Variants in NSUN6 observed in about 807,000 individuals in gnomAD.
The protein encoded by NSUN6 is tRNA (cytosine(72)-C(5))-methyltransferase NSUN6.
NSUN6 carries 64 observed loss-of-function variants against 58.0 expected under a neutral mutation model. The ratio of observed to expected loss-of-function variants is 1.10; its 90% CI spans 0.90 to 1.36. The LOEUF (loss-of-function observed/expected upper bound fraction) is 1.36, where lower values mean the gene tolerates loss of function less well. Ranked by LOEUF, NSUN6 falls within the 40% of genes most tolerant of loss-of-function variation. The probability of loss-of-function intolerance (pLI) is 0.00; values close to 1 mark genes in which losing one functional copy is unlikely to be tolerated. For missense variants in NSUN6, 701 were observed against 550.1 expected, an observed-to-expected ratio of 1.27 and a Z score of -2.74; for synonymous variants, 231 against 193.9, an observed-to-expected ratio of 1.19 and a Z score of -1.59.
At chr10:18,567,344 TTCTATTC>T (rs2056031383) in intron 8 of NSUN6, among the ~76,000 whole-genome samples, 2 of 150,424 alleles carry the variant, frequency 1.3e-5, no homozygotes, top group African/African-American at 4.9e-5. Context: ...TTCCATTCCA[TTCTATTC>T]TCCATTCCAT....
intron 2 of NSUN6, among the ~76,000 whole-genome samples, chr10:18,645,948 A>G (rs1039175944): frequency 6.6e-6 from 1 of 152,216 alleles, no homozygotes; most frequent in Admixed American, 6.5e-5. Flanking sequence ...TAATCCCAAC[A>G]TTTTGGGAAG....
At chr10:18,611,568 C>A (rs571417560) in intron 5 of NSUN6, among the ~76,000 whole-genome samples, 2 of 152,238 alleles carry the variant, frequency 1.3e-5, no homozygotes, top group South Asian at 2.1e-4. Context: ...CTCACTCTGT[C>A]ACGCAGGCTG....
intron 7 of NSUN6, among the ~76,000 whole-genome samples, chr10:18,588,688 C>T (rs963429100): frequency 1.3e-5 from 2 of 152,174 alleles, no homozygotes; most frequent in Non-Finnish European, 2.9e-5. Flanking sequence ...GAAGAGAGGC[C>T]TGTTAGAAGA....
At chr10:18,649,900 T>C (rs2059655235) in intron 1 of NSUN6, among the ~76,000 whole-genome samples, 1 of 152,150 alleles carries the variant, frequency 6.6e-6, no homozygotes, top group African/African-American at 2.4e-5. Context: ...TTCCATACAG[T>C]CTAGTACCTC....
intron 8 of NSUN6, among the ~76,000 whole-genome samples, chr10:18,559,544 G>A (rs919290505): frequency 1.3e-5 from 2 of 148,594 alleles, no homozygotes; most frequent in African/African-American, 2.5e-5. Context: ...GGAGAGTGGA[G>A]AATAGAAACG....
In NSUN6 at chr10:18,586,048, T is replaced by C. The variant is rs775841297; in HGVS notation, c.823A>G (p.Ile275Val). 4 of 1,610,162 alleles carry C rather than the reference T, an allele frequency of 2.5e-6. No homozygotes were observed. Among genetic ancestry groups the C allele is most frequent in the South Asian group, 1.1e-5 (1 of 90,056 alleles). Residue 275 changes from isoleucine to valine, a missense_variant, in exon 8 of 11, where the codon ATC (isoleucine) becomes GTC (valine). Ile to Val is a conservative substitution (Grantham distance 29). Coordinates refer to ENST00000377304, the MANE Select transcript of NSUN6 (RefSeq NM_182543.5). ...CCTAACAATAAGGCATTCTGTTTGA[T>C]TTTTTCTACTTTGTTGAAGATTTTA... is the stretch of plus-strand genomic sequence containing the variant. ...LDKIFNKVEK[I>V]KQNALLLGLN...
intron 2 of NSUN6, among the ~76,000 whole-genome samples, chr10:18,644,525 C>T (rs562725085): frequency 3.4e-5 from 5 of 146,888 alleles, no homozygotes; most frequent in African/African-American, 1.3e-4. Context: ...CTGTTAAGTG[C>T]TTACATATGA....
At chr10:18,629,469 A>C (rs1477106844) in intron 3 of NSUN6, among the ~76,000 whole-genome samples, 2 of 150,536 alleles carry the variant, frequency 1.3e-5, no homozygotes, top group Non-Finnish European at 3.0e-5. Context: ...CAAATTGGAT[A>C]AAGAGTCAAG....
Position 18,651,257 on chromosome 10 carries a change from T to TG in NSUN6, c.-55_-54insC, listed in dbSNP as rs2059697461. The TG allele has an allele frequency of 9.1e-7, 1 of 1,096,016 alleles. No individual in the cohort carries two copies. Among genetic ancestry groups the TG allele is most frequent in the South Asian group, 1.8e-5 (1 of 55,854 alleles). The allele number at this position is 1,096,016 out of a possible 1,614,324, so 67.9% of individuals were successfully genotyped here. ...AGAAATGCTGGAAAACGGTGTTTTG[T>TG]TTTTTTTTTTCTTTCCGAATTAATA... On this transcript the variant is annotated 5_prime_UTR_variant, in exon 1 of 11. Coordinates refer to ENST00000377304, the MANE Select transcript of NSUN6 (RefSeq NM_182543.5).
At chr10:18,634,338 T>C (rs1324361835) in intron 3 of NSUN6, among the ~76,000 whole-genome samples, 1 of 152,170 alleles carries the variant, frequency 6.6e-6, no homozygotes, top group Non-Finnish European at 1.5e-5. Context: ...TCCCTATGAC[T>C]AGACAGTATT....
chr10:18,568,902 C>T (rs2130950690), intron 8 of NSUN6, among the ~76,000 whole-genome samples: 1 of 150,544 alleles, frequency 6.6e-6, no homozygotes, highest in Middle Eastern at 3.5e-3. Flanking sequence ...CCAATCCATT[C>T]TACTCTCCAT....
upstream of NSUN6, among the ~76,000 whole-genome samples, chr10:18,656,551 C>G (rs186831728): frequency 2.0e-5 from 3 of 152,056 alleles, no homozygotes; most frequent in Non-Finnish European, 4.4e-5. Context: ...AAGCAATGGA[C>G]AAATTGATCA....
intron 7 of NSUN6, among the ~76,000 whole-genome samples, chr10:18,588,152 G>A (rs2057241136): frequency 6.6e-6 from 1 of 152,196 alleles, no homozygotes; most frequent in South Asian, 2.1e-4. Context: ...AGACTGGGAG[G>A]TTTGGACTGG....
chr10:18,627,414 GAGA>G (rs1366913069), intron 3 of NSUN6, among the ~76,000 whole-genome samples: 3 of 152,032 alleles, frequency 2.0e-5, no homozygotes, highest in African/African-American at 4.8e-5. Context: ...AAAATCTGAG[GAGA>G]AGAATAGGAA....
chr10:18,596,914 T>C (rs1743950532), intron 6 of NSUN6, among the ~76,000 whole-genome samples: 1 of 152,188 alleles, frequency 6.6e-6, no homozygotes, highest in Admixed American at 6.5e-5. Flanking sequence ...ACCAAGAATA[T>C]AACTTTGCCA....
In NSUN6 at chr10:18,586,154, A is replaced by C. The variant is rs377737675; in HGVS notation, c.778-61T>G. On this transcript the variant is annotated intron_variant, in intron 7 of 10. Coordinates refer to ENST00000377304, the MANE Select transcript of NSUN6 (RefSeq NM_182543.5). ...AAAAAGAAAATTATAAATCCAAAGCAGTCATAAAAATAATGAGAAAAACAT... is the reference window on the plus strand; with the variant it reads ...AAAAAGAAAATTATAAATCCAAAGCCGTCATAAAAATAATGAGAAAAACAT... The C allele has an allele frequency of 2.1e-4, 272 of 1,322,846 alleles. No homozygotes were observed. The East Asian group carries it at 5.7e-3, about 28-fold the overall frequency. The allele number at this position is 1,322,846 out of a possible 1,614,324, so 81.9% of individuals were successfully genotyped here. A position where few individuals can be genotyped will look rare whatever the true frequency, so the allele number is the denominator to read the frequency against.
chr10:18,564,206 C>T (rs2055754609), intron 8 of NSUN6, among the ~76,000 whole-genome samples: 1 of 150,368 alleles, frequency 6.7e-6, no homozygotes, highest in Non-Finnish European at 1.5e-5. Flanking sequence ...TCATTCTCCA[C>T]TGTAATACAT....
At chr10:18,645,016 G>A (rs1232169365) in intron 2 of NSUN6, among the ~76,000 whole-genome samples, 1 of 151,510 alleles carries the variant, frequency 6.6e-6, no homozygotes, top group Non-Finnish European at 1.5e-5. Flanking sequence ...AAATTAGCTG[G>A]GTGTCTTTGA....
intron 3 of NSUN6, 36 bp from the exon 4 acceptor site, chr10:18,616,329 A>G (rs775592009): frequency 5.3e-5 from 66 of 1,243,424 alleles, no homozygotes; most frequent in Non-Finnish European, 7.0e-5. Flanking sequence ...TAATAGTAAC[A>G]TACCTCCAAT....
Sources: gnomAD v4.1 joint callset for allele counts (sites outside exome capture counted in the v4.1 genomes callset) on GRCh38, gnomAD v4.1.1 for gene constraint, MANE v1.5 for transcripts, NCBI Gene and HGNC (gene_info 2026-07-23, HGNC 2026-07-21) for gene names.